The following FBXL7 variants were observed in gnomAD, a reference collection of about 807,000 sequenced individuals.
The protein encoded by FBXL7 is F-box/LRR-repeat protein 7.
In FBXL7, 12 loss-of-function variants were observed where a neutral mutation model predicts 38.3. The ratio of observed to expected loss-of-function variants is 0.31; its 90% CI spans 0.20 to 0.51. The LOEUF is 0.51. Among genes scored for constraint, FBXL7 ranks in the 20% least tolerant of loss-of-function variants. The pLI is 0.98. For missense variants in FBXL7, 567 were observed against 676.4 expected (o/e 0.84, Z 1.79); for synonymous variants, 297 against 300.9 (o/e 0.99, Z 0.13).
intron 1 of FBXL7, among the ~76,000 whole-genome samples, chr5:15,579,798 T>A (rs1265538993): frequency 6.6e-6 from 1 of 152,126 alleles, no homozygotes; most frequent in African/African-American, 2.4e-5. Context: ...CCTGTCTCTC[T>A]CTTCCTAGGG....
At chr5:15,624,437 G>T (rs1460475052) in intron 2 of FBXL7, among the ~76,000 whole-genome samples, 1 of 152,172 alleles carries the variant, frequency 6.6e-6, no homozygotes, top group African/African-American at 2.4e-5. Flanking sequence ...GCATTTACCC[G>T]AAGATAACTT....
At chr5:15,921,568 A>T (rs1170863228) in intron 2 of FBXL7, among the ~76,000 whole-genome samples, 1 of 152,152 alleles carries the variant, frequency 6.6e-6, no homozygotes, top group South Asian at 2.1e-4. Flanking sequence ...CAGGGAAAAA[A>T]AGTTTGCTCA....
At chr5:15,507,840 C>G (rs1580343085) in intron 1 of FBXL7, among the ~76,000 whole-genome samples, 1 of 152,000 alleles carries the variant, frequency 6.6e-6, no homozygotes, top group East Asian at 1.9e-4. Flanking sequence ...GTCAGGAGTT[C>G]GAGACCAGCA....
At chr5:15,651,515 C>T (rs992364183) in intron 2 of FBXL7, among the ~76,000 whole-genome samples, 1 of 152,196 alleles carries the variant, frequency 6.6e-6, no homozygotes, top group African/African-American at 2.4e-5. Flanking sequence ...TCCATCAGAG[C>T]TCTTGGATGA....
chr5:15,656,189 GCTAAAGC>G (rs1239941852), intron 2 of FBXL7, among the ~76,000 whole-genome samples: 1 of 152,170 alleles, frequency 6.6e-6, no homozygotes, highest in Non-Finnish European at 1.5e-5. Flanking sequence ...CACAATGCTT[GCTAAAGC>G]CTTACGTGTT....
intron 1 of FBXL7, 34 bp from the exon 2 acceptor site, chr5:15,615,949 A>C (rs781572666): frequency 1.3e-6 from 2 of 1,519,448 alleles, no homozygotes; most frequent in African/African-American, 2.7e-5. Flanking sequence ...TGAAATTACA[A>C]ATCTCAAAAG....
At chr5:15,667,198 G>A (rs1282778453) in intron 2 of FBXL7, among the ~76,000 whole-genome samples, 3 of 152,150 alleles carry the variant, frequency 2.0e-5, no homozygotes, top group Non-Finnish European at 4.4e-5. Context: ...ATTGAAGCAG[G>A]CACACTTTGA....
chr5:15,749,076 C>T (rs1173019503), intron 2 of FBXL7, among the ~76,000 whole-genome samples: 1 of 151,736 alleles, frequency 6.6e-6, no homozygotes, highest in African/African-American at 2.4e-5. Context: ...GAAACCCTGT[C>T]TCTACTAAAA....
chr5:15,824,218 C>T (rs1282915760), intron 2 of FBXL7, among the ~76,000 whole-genome samples: 1 of 151,748 alleles, frequency 6.6e-6, no homozygotes, highest in Non-Finnish European at 1.5e-5. Flanking sequence ...ATTGCTTGAA[C>T]CCGGGAGGAG....
chr5:15,764,675 C>T (rs993701817), intron 2 of FBXL7, among the ~76,000 whole-genome samples: 7 of 152,236 alleles, frequency 4.6e-5, no homozygotes, highest in Admixed American at 2.0e-4. Flanking sequence ...AAGTAATTGG[C>T]CATCCCTGCA....
intron 2 of FBXL7, among the ~76,000 whole-genome samples, chr5:15,893,115 C>CAA (rs931760815): frequency 1.1e-3 from 78 of 71,610 alleles, no homozygotes; most frequent in African/African-American, 3.5e-3. Context: ...GACTCTGTCT[C>CAA]AAAAAAAAAA....
chr5:15,524,269 A>G lies in FBXL7; in HGVS notation c.37+23556A>G, dbSNP rs57732329. ...GATGACATTGACCATCTCCCTACTC[A>G]AAGAACAAAACTTGACCAAAGCAGC... On this transcript the variant is annotated intron_variant, in intron 1 of 3. Transcript: ENST00000504595. 9.5e-3 allele frequency among the ~76,000 whole-genome samples: 1,439 copies of G among 152,246 alleles called. 22 individuals are homozygous for G. Among genetic ancestry groups the G allele is most frequent in the African/African-American group, 0.033 (1,373 of 41,522 alleles).
intron 2 of FBXL7, among the ~76,000 whole-genome samples, chr5:15,743,375 G>A (rs144633956): frequency 2.2e-4 from 34 of 152,296 alleles, no homozygotes; most frequent in African/African-American, 7.5e-4. Context: ...GGGGCTACAG[G>A]CCTCATGCAA....
chr5:15,664,469 C>CTTTTTTTTTTTTTTT (rs34999340), intron 2 of FBXL7, among the ~76,000 whole-genome samples: 6 of 105,536 alleles, frequency 5.7e-5, no homozygotes, highest in East Asian at 3.1e-4. Context: ...TTTTCTTTTC[C>CTTTTTTTTTTTTTTT]TTTTTTTTTT....
chr5:15,546,515 T>C (rs962859825), intron 1 of FBXL7, among the ~76,000 whole-genome samples: 2 of 151,868 alleles, frequency 1.3e-5, no homozygotes, highest in African/African-American at 4.8e-5. Flanking sequence ...TGCAGTGAGC[T>C]GAGATGGCGC....
At chr5:15,842,895 G>C (rs1176040218) in intron 2 of FBXL7, among the ~76,000 whole-genome samples, 1 of 152,112 alleles carries the variant, frequency 6.6e-6, no homozygotes, top group Non-Finnish European at 1.5e-5. Flanking sequence ...TCTTGATTAT[G>C]TCTTTTTTAG....
At chr5:15,580,294 A>G (rs1247651484) in intron 1 of FBXL7, among the ~76,000 whole-genome samples, 2 of 152,130 alleles carry the variant, frequency 1.3e-5, no homozygotes, top group Non-Finnish European at 1.5e-5. Flanking sequence ...CACTACAAGA[A>G]ATAAATGTTT....
chr5:15,549,692 T>TTA lies in FBXL7; in HGVS notation c.37+48984_37+48985dup, dbSNP rs551105233. ...ATGTAAGAACTTGTTTTCTCTCTTG[T>TTA]TATATAAGTAGCTACATAATATCCT... is the stretch of plus-strand genomic sequence containing the variant. On this transcript the variant is annotated intron_variant, in intron 1 of 3. Coordinates refer to ENST00000504595, the MANE Select transcript of FBXL7 (RefSeq NM_012304.5). Among the ~76,000 whole-genome samples the TTA allele has an allele frequency of 3.3e-3, 496 of 152,316 alleles. 4 individuals carry two copies. The highest frequency in any genetic ancestry group is 0.01 in the African/African-American group (432 of 41,570).
Position 15,928,595 on chromosome 5 carries a change from C to A in FBXL7, c.739+94C>A. On this transcript the variant is annotated intron_variant, in intron 3 of 3. Coordinates refer to ENST00000504595, the MANE Select transcript of FBXL7 (RefSeq NM_012304.5). This position sits in a 1 kb window ranked among gnomAD's most constrained non-coding sequence, Gnocchi z 4.0. ...CCACCACCGGAGGGTCCTCTTCTTG[C>A]AAGCCATCAGAGATGGGGGCGGGTG... 1 of 1,482,576 alleles carries A rather than the reference C, an allele frequency of 6.7e-7. No homozygotes were observed. Among genetic ancestry groups the A allele is most frequent in the Non-Finnish European group, 9.0e-7 (1 of 1,109,636 alleles). The allele number at this position is 1,482,576 out of a possible 1,614,324, so 91.8% of individuals were successfully genotyped here.
Sources: gnomAD v4.1 joint callset for allele counts (sites outside exome capture counted in the v4.1 genomes callset) on GRCh38, gnomAD v4.1.1 for gene constraint, Gnocchi (gnomAD v3.1) non-coding constraint, MANE v1.5 for transcripts, NCBI Gene and HGNC (gene_info 2026-07-23, HGNC 2026-07-21) for gene names.